The following ZMYM4 variants were observed in gnomAD, a reference collection of about 807,000 sequenced individuals.
ZMYM4 encodes zinc finger MYM-type containing 4, also known as zinc finger MYM-type protein 4.
A neutral mutation model predicts 183.2 loss-of-function variants in ZMYM4; 31 were observed. That is an observed-to-expected ratio of 0.17 (90% CI 0.13 to 0.23). ZMYM4 has a LOEUF of 0.23. ZMYM4 is among the 10% of genes least tolerant of loss of function. ZMYM4 has a pLI of 1.00. For missense variants in ZMYM4, 1,273 were observed against 1,840.3 expected, an observed-to-expected ratio of 0.69 and a Z score of 5.64; for synonymous variants, 592 against 631.2, an observed-to-expected ratio of 0.94 and a Z score of 0.93.
At position 35,302,200 on chromosome 1, in the gene ZMYM4, C is replaced by CTTTTTTTTTTTTTTTTTTT. The variant is rs576277396; in HGVS notation, c.40-23153_40-23135dup. The stretch of plus-strand genomic sequence containing the variant: ...ATCCACAAGCTAAAAACGGCTCTTG[C>CTTTTTTTTTTTTTTTTTTT]TTTTTTTTTTTTTTTTTTTTTTTTT... On this transcript the variant is annotated intron_variant, in intron 1 of 29. Transcript: ENST00000314607. 4.8e-4 allele frequency among the ~76,000 whole-genome samples: 28 copies of CTTTTTTTTTTTTTTTTTTT among 58,550 alleles called. 3 individuals carry two copies. The highest frequency in any genetic ancestry group is 1.7e-3 in the African/African-American group (27 of 15,524). 38.4% of individuals were successfully genotyped at this position (58,550 alleles called of 152,430 possible).
At chr1:35,404,414 T>A (rs1286547825) in intron 23 of ZMYM4, among the ~76,000 whole-genome samples, 2 of 152,194 alleles carry the variant, frequency 1.3e-5, no homozygotes, top group South Asian at 2.1e-4. Context: ...ATAGACTTTT[T>A]AAAAATTTTC....
chr1:35,339,484 CT>C (rs1214401791), intron 2 of ZMYM4, among the ~76,000 whole-genome samples: 1 of 152,132 alleles, frequency 6.6e-6, no homozygotes, highest in Non-Finnish European at 1.5e-5. Context: ...ATCCGCCTGC[CT>C]TGGCCTCCCA....
intron 3 of ZMYM4, 22 bp from the exon 4 acceptor site, chr1:35,361,172 G>GTT: frequency 2.4e-5 from 33 of 1,394,806 alleles, no homozygotes; most frequent in East Asian, 1.0e-4. Flanking sequence ...GTGTTTGTTT[G>GTT]TTTTTTTTTT....
intron 1 of ZMYM4, among the ~76,000 whole-genome samples, chr1:35,284,000 C>T (rs1025713276): frequency 6.6e-5 from 10 of 151,224 alleles, no homozygotes; most frequent in Admixed American, 1.3e-4. Context: ...GACGGAGTCT[C>T]GCTCTGTCGC....
chr1:35,283,803 T>A (rs1221741579), intron 1 of ZMYM4, among the ~76,000 whole-genome samples: 1 of 152,214 alleles, frequency 6.6e-6, no homozygotes, highest in Non-Finnish European at 1.5e-5. Context: ...CCTTTGTGCA[T>A]GTTTTTTAAT....
At chr1:35,351,424 TGGA>T in intron 2 of ZMYM4, 2 of 1,573,946 alleles carry the variant, frequency 1.3e-6, no homozygotes, top group South Asian at 1.1e-5. Context: ...CCAGACATGA[TGGA>T]GGAGATGTAT....
chr1:35,419,480 G>C lies in ZMYM4; in HGVS notation c.4450G>C (p.Val1484Leu). ...TTCCCCTGTGGATAGTTCTGAAAGT[G>C]TGAAGCAAAGGAATGATGTGTTTTA... The part of the protein sequence containing the change: ...EFYLSKCSES[V>L]KQRNDVFYLQ... The change falls in exon 30 of 30, where the codon GTG becomes CTG. Residue 1484 changes from valine to leucine, a missense_variant. Val to Leu is a conservative substitution (Grantham distance 32). Transcript: ENST00000314607. 6.2e-7 allele frequency: 1 copy of C among 1,612,832 alleles called. No homozygotes were observed. Among genetic ancestry groups the C allele is most frequent in the Non-Finnish European group, 8.5e-7 (1 of 1,179,740 alleles).
At chr1:35,333,645 A>G (rs1010171825) in intron 2 of ZMYM4, among the ~76,000 whole-genome samples, 2 of 152,144 alleles carry the variant, frequency 1.3e-5, no homozygotes, top group Middle Eastern at 6.8e-3. Flanking sequence ...CCCTCTCATA[A>G]CTTGTGTCAA....
intron 2 of ZMYM4, among the ~76,000 whole-genome samples, chr1:35,357,398 A>G (rs995979264): frequency 1.3e-5 from 2 of 152,156 alleles, no homozygotes; most frequent in African/African-American, 4.8e-5. Flanking sequence ...GCCTCACTCT[A>G]TTTTTATCAG....
chr1:35,281,572 A>G (rs555143959), intron 1 of ZMYM4, among the ~76,000 whole-genome samples: 11 of 152,074 alleles, frequency 7.2e-5, no homozygotes, highest in Admixed American at 6.6e-4. Context: ...GTCATTCCAC[A>G]CCGTATACAT....
At position 35,396,557 on chromosome 1, in the gene ZMYM4, A is replaced by C. The variant is rs1644812807; in HGVS notation, c.2917A>C (p.Thr973Pro). ...TTTGTTGTTGTTACTGTTAGAAGAC[A>C]CTCCAAGTCAGCCCCAGATTATTGT... ...TQNKECQTED[T>P]PSQPQIIVVP... Residue 973 changes from threonine (T) to proline (P), a missense_variant, in exon 19 of 30, where the codon ACT (threonine) becomes CCT (proline). Around this residue, in one of 6 missense-constraint regions of ZMYM4, gnomAD observed 290 missense variants for 353.3 expected, o/e 0.82. Transcript: ENST00000314607. The C allele has an allele frequency of 3.1e-6, 5 of 1,613,270 alleles. No homozygotes were observed. Among genetic ancestry groups the C allele is most frequent in the Non-Finnish European group, 4.2e-6 (5 of 1,179,658 alleles).
At chr1:35,404,615 A>G (rs1309389285) in intron 23 of ZMYM4, among the ~76,000 whole-genome samples, 1 of 152,080 alleles carries the variant, frequency 6.6e-6, no homozygotes, top group African/African-American at 2.4e-5. Context: ...ACATCTATGC[A>G]TCATTGGTTT....
chr1:35,347,547 G>C (rs943797065), intron 2 of ZMYM4, among the ~76,000 whole-genome samples: 1 of 152,062 alleles, frequency 6.6e-6, no homozygotes, highest in Admixed American at 6.5e-5. Context: ...ATAAGGGGTA[G>C]CGTTAAAAAT....
chr1:35,415,825 T>A, intron 28 of ZMYM4, 111 bp downstream of exon 28: 1 of 1,368,014 alleles, frequency 7.3e-7, no homozygotes. Flanking sequence ...GAGTGTACCT[T>A]TAACATTTGA....
chr1:35,400,494 C>G (rs551112765), intron 23 of ZMYM4, among the ~76,000 whole-genome samples: 1 of 152,098 alleles, frequency 6.6e-6, no homozygotes, highest in South Asian at 2.1e-4. Flanking sequence ...CGTGAGCCAC[C>G]GCGCCCGGCC....
At chr1:35,336,335 T>C (rs1236803322) in intron 2 of ZMYM4, among the ~76,000 whole-genome samples, 2 of 152,114 alleles carry the variant, frequency 1.3e-5, no homozygotes, top group Non-Finnish European at 2.9e-5. Flanking sequence ...ATGTTGAACC[T>C]TGTGGTACCA....
At chr1:35,381,907 G>A in intron 9 of ZMYM4, 149 bp downstream of exon 9, 2 of 947,136 alleles carry the variant, frequency 2.1e-6, no homozygotes, top group Non-Finnish European at 1.5e-6. Context: ...CACTTTGGGA[G>A]GCTGAGGCGG....
Position 35,268,952 on chromosome 1 carries a change from G to C in ZMYM4, c.-95G>C. On this transcript the variant is annotated 5_prime_UTR_variant, in exon 1 of 30. Coordinates refer to ENST00000314607, the MANE Select transcript of ZMYM4 (RefSeq NM_005095.3). ...GCCGGGTCCGGGGAAGCTGCCGCGA[G>C]GCGGCCGTGCCTGCAGTGTGGGCGG... 7.6e-7 allele frequency: 1 copy of C among 1,311,900 alleles called. No individual in the cohort carries two copies. The allele number at this position is 1,311,900 out of a possible 1,614,324, so 81.3% of individuals were successfully genotyped here.
intron 26 of ZMYM4, among the ~76,000 whole-genome samples, chr1:35,412,567 T>C (rs1639956808): frequency 6.6e-6 from 1 of 152,146 alleles, no homozygotes; most frequent in African/African-American, 2.4e-5. Flanking sequence ...AACTCACTTC[T>C]GCATAATGGA....
Sources: gnomAD v4.1 joint callset for allele counts (sites outside exome capture counted in the v4.1 genomes callset) on GRCh38, gnomAD v4.1.1 for gene constraint, gnomAD v4.1.1 regional missense constraint, MANE v1.5 for transcripts, NCBI Gene and HGNC (gene_info 2026-07-23, HGNC 2026-07-21) for gene names.